The following LIMCH1 variants were observed in gnomAD, a reference collection of about 807,000 sequenced individuals.
LIMCH1 encodes LIM and calponin homology domains-containing protein 1.
A neutral mutation model predicts 176.5 loss-of-function variants in LIMCH1; 113 were observed. The observed-to-expected ratio is 0.64, with a 90% CI of 0.55 to 0.75. The LOEUF (loss-of-function observed/expected upper bound fraction) is 0.75. Among genes scored for constraint, LIMCH1 ranks in the 30% least tolerant of loss-of-function variants. The probability of loss-of-function intolerance (pLI) is 0.00; values close to 1 mark genes in which losing one functional copy is unlikely to be tolerated. For synonymous variants in LIMCH1, 619 were observed against 645.9 expected (o/e 0.96, Z 0.63); for missense variants, 1,674 against 1,814.9 (o/e 0.92, Z 1.41).
chr4:41,537,290 C>T (rs983764903), upstream of LIMCH1, among the ~76,000 whole-genome samples: 10 of 152,136 alleles, frequency 6.6e-5, no homozygotes, highest in East Asian at 1.9e-4. Flanking sequence ...ATGGTAACTC[C>T]GCACACGATG....
At chr4:41,542,423 T>C (rs889202772) in intron 1 of LIMCH1, among the ~76,000 whole-genome samples, 3 of 151,788 alleles carry the variant, frequency 2.0e-5, no homozygotes, top group Admixed American at 6.6e-5. Context: ...GTCAGGGTAA[T>C]TAAGGACTAA....
chr4:41,496,282 G>A (rs1341583122), intron 2 of LIMCH1, among the ~76,000 whole-genome samples: 1 of 152,192 alleles, frequency 6.6e-6, no homozygotes, highest in Non-Finnish European at 1.5e-5. Context: ...AATTGTCTAA[G>A]TCCTCTAATC....
At chr4:41,551,777 A>G (rs775434580) in intron 1 of LIMCH1, among the ~76,000 whole-genome samples, 20 of 152,188 alleles carry the variant, frequency 1.3e-4, no homozygotes, top group Non-Finnish European at 2.6e-4. Context: ...TGTAGTATCC[A>G]TGGCTACTTT....
intron 1 of LIMCH1, among the ~76,000 whole-genome samples, chr4:41,370,978 C>T (rs77569698): frequency 0.028 from 4,191 of 152,262 alleles, 91 homozygotes; most frequent in Middle Eastern, 0.061. Flanking sequence ...GGGATTTGAA[C>T]CCAGGCAAAC....
chr4:41,676,950 G>T (rs1191703380), intron 23 of LIMCH1, among the ~76,000 whole-genome samples: 1 of 152,094 alleles, frequency 6.6e-6, no homozygotes, highest in Non-Finnish European at 1.5e-5. Flanking sequence ...ATCATCTGAG[G>T]TCAGGAGTTG....
chr4:41,467,151 G>GTATATATATATATA (rs147016551), intron 1 of LIMCH1, among the ~76,000 whole-genome samples: 1 of 60,732 alleles, frequency 1.6e-5, no homozygotes, highest in African/African-American at 1.5e-4. Context: ...ATATGTGTAT[G>GTATATATATATATA]TATATATACA....
intron 1 of LIMCH1, among the ~76,000 whole-genome samples, chr4:41,487,629 G>T (rs1183519606): frequency 6.7e-6 from 1 of 149,908 alleles, no homozygotes; most frequent in South Asian, 2.1e-4. Flanking sequence ...TAGGTTGTAT[G>T]TGGGGCACCA....
chr4:41,484,941 T>G (rs1233586905), intron 1 of LIMCH1, among the ~76,000 whole-genome samples: 2 of 152,330 alleles, frequency 1.3e-5, no homozygotes, highest in South Asian at 2.1e-4. Context: ...ATACCTTTTA[T>G]AAAAATGGGA....
chr4:41,448,670 C>A (rs1344526756), intron 1 of LIMCH1, among the ~76,000 whole-genome samples: 1 of 152,006 alleles, frequency 6.6e-6, no homozygotes, highest in African/African-American at 2.4e-5. Flanking sequence ...TCACCCATAT[C>A]AATTTTGGAT....
intron 1 of LIMCH1, among the ~76,000 whole-genome samples, chr4:41,443,477 T>A (rs887247426): frequency 6.6e-6 from 1 of 152,232 alleles, no homozygotes; most frequent in Non-Finnish European, 1.5e-5. Context: ...TAGTATGGAC[T>A]TTGCTCTTAT....
chr4:41,515,999 A>G (rs533396153), intron 2 of LIMCH1, among the ~76,000 whole-genome samples: 22 of 152,364 alleles, frequency 1.4e-4, no homozygotes, highest in African/African-American at 4.3e-4. Context: ...CATAATTACT[A>G]CATAGCACAA....
intron 12 of LIMCH1, 125 bp downstream of exon 12, chr4:41,633,210 G>C (rs1351764675): frequency 2.9e-6 from 2 of 690,454 alleles, no homozygotes; most frequent in Non-Finnish European, 4.8e-6. Flanking sequence ...GTGGAGTAAA[G>C]TCACTAAAAG....
chr4:41,688,856 G>A (rs1723019413), intron 29 of LIMCH1: 1 of 152,480 alleles, frequency 6.6e-6, no homozygotes, highest in South Asian at 2.1e-4. Context: ...TTCCAGTTTA[G>A]AGAGAAGGCA....
Position 41,400,023 on chromosome 4 carries a change from C to CT in LIMCH1, c.96+39094dup, listed in dbSNP as rs1363720336. ...TCATTTCCATTTTTTTTTTTTTGGT[C>CT]TTTTTTTGAGGAGGAAACTGAAGCT... On this transcript the variant is annotated intron_variant, in intron 1 of 26. Coordinates refer to the LIMCH1 transcript ENST00000313860. 6.4e-3 allele frequency among the ~76,000 whole-genome samples: 935 copies of CT among 145,654 alleles called. 9 individuals carry two copies. The highest frequency in any genetic ancestry group is 0.022 in the African/African-American group (860 of 39,348).
intron 1 of LIMCH1, among the ~76,000 whole-genome samples, chr4:41,583,346 C>T (rs1028752689): frequency 6.6e-6 from 1 of 152,182 alleles, no homozygotes; most frequent in South Asian, 2.1e-4. Flanking sequence ...TCTCTTCCCC[C>T]CTCCATGGTG....
chr4:41,592,812 G>T (rs1451646430), intron 1 of LIMCH1, among the ~76,000 whole-genome samples: 2 of 152,148 alleles, frequency 1.3e-5, no homozygotes, highest in Non-Finnish European at 2.9e-5. Context: ...AACTAGAAAA[G>T]CTATTTGTGC....
chr4:41,570,063 A>G (rs1381344220), intron 1 of LIMCH1, among the ~76,000 whole-genome samples: 1 of 152,236 alleles, frequency 6.6e-6, no homozygotes, highest in Non-Finnish European at 1.5e-5. Context: ...TGGTTGGTGG[A>G]CAGCAGGTCC....
chr4:41,552,690 G>A (rs1274651323), intron 1 of LIMCH1, among the ~76,000 whole-genome samples: 1 of 152,118 alleles, frequency 6.6e-6, no homozygotes, highest in South Asian at 2.1e-4. Context: ...TATTAATGCT[G>A]TCCTTTTTTC....
chr4:41,565,674 A>T (rs2082671437), intron 1 of LIMCH1, among the ~76,000 whole-genome samples: 1 of 152,044 alleles, frequency 6.6e-6, no homozygotes, highest in Admixed American at 6.6e-5. Context: ...TAGGTCCCCA[A>T]ATTTTAGGGG....
Sources: allele counts gnomAD v4.1 joint callset (sites outside exome capture counted in the v4.1 genomes callset), GRCh38; gene constraint gnomAD v4.1.1; transcripts MANE v1.5; gene names NCBI Gene and HGNC (gene_info 2026-07-23, HGNC 2026-07-21).